RFC1: variants seen among roughly 807,000 people sequenced by gnomAD.
The protein encoded by RFC1 is A1 140 kDa subunit.
A neutral mutation model predicts 137.4 loss-of-function variants in RFC1; 37 were observed. The observed-to-expected ratio is 0.27, with a 90% confidence interval of 0.21 to 0.35. RFC1 has a LOEUF of 0.35. Among genes scored for constraint, RFC1 ranks in the 10% least tolerant of loss-of-function variants. The pLI is 1.00. For synonymous variants in RFC1, 429 were observed against 455.7 expected (o/e 0.94, Z 0.75); for missense variants, 1,205 against 1,358.5 (o/e 0.89, Z 1.78).
intron 13 of RFC1, 143 bp downstream of exon 13, chr4:39,308,493 G>A (rs1738795467): frequency 1.8e-6 from 2 of 1,127,332 alleles, no homozygotes; most frequent in African/African-American, 1.6e-5. Context: ...GCAGGGTCTA[G>A]TACTGCACCT....
At chr4:39,304,342 T>C (rs556623374) in intron 15 of RFC1, among the ~76,000 whole-genome samples, 3 of 152,338 alleles carry the variant, frequency 2.0e-5, no homozygotes, top group Non-Finnish European at 4.4e-5. Context: ...AATAGTTTTC[T>C]TTCTCATTCT....
intron 15 of RFC1, among the ~76,000 whole-genome samples, chr4:39,304,433 C>G (rs375728907): frequency 1.3e-5 from 2 of 152,198 alleles, no homozygotes; most frequent in East Asian, 3.8e-4. Context: ...GGCCTTATTA[C>G]CTCACTCTGT....
intron 1 of RFC1, among the ~76,000 whole-genome samples, chr4:39,361,468 A>T (rs528247294): frequency 6.6e-6 from 1 of 152,316 alleles, no homozygotes; most frequent in South Asian, 2.1e-4. Context: ...AAGCAGTTGG[A>T]GGGCTTTCCC....
chr4:39,337,342 C>T (rs1740403008), intron 4 of RFC1, among the ~76,000 whole-genome samples: 1 of 150,252 alleles, frequency 6.7e-6, no homozygotes. Flanking sequence ...CCATTGCACT[C>T]CAGCCTAGGC....
chr4:39,327,830 T>G (rs1739858037), intron 4 of RFC1, 74 bp from the exon 5 acceptor site: 1 of 1,155,746 alleles, frequency 8.7e-7, no homozygotes, highest in East Asian at 2.6e-5. Context: ...TTCTACCAAC[T>G]TTATAAAAAG....
At chr4:39,340,259 C>A (rs1035752788) in intron 4 of RFC1, among the ~76,000 whole-genome samples, 19 of 152,028 alleles carry the variant, frequency 1.2e-4, no homozygotes, top group African/African-American at 4.3e-4. Context: ...ATAAAGTATG[C>A]AATAATGAAG....
chr4:39,364,929 C>T (rs551205443), intron 1 of RFC1, among the ~76,000 whole-genome samples: 2 of 151,996 alleles, frequency 1.3e-5, no homozygotes, highest in African/African-American at 2.4e-5. Context: ...AATATTACCA[C>T]GTTCTTCATC....
At chr4:39,330,626 T>C (rs1446006904) in intron 4 of RFC1, among the ~76,000 whole-genome samples, 1 of 152,190 alleles carries the variant, frequency 6.6e-6, no homozygotes, top group Non-Finnish European at 1.5e-5. Flanking sequence ...CAAACCAAGG[T>C]GCAAAAGGTT....
intron 2 of RFC1, among the ~76,000 whole-genome samples, chr4:39,348,462 A>ACGGG (rs1553926645): frequency 7.3e-6 from 1 of 137,686 alleles, no homozygotes; most frequent in Non-Finnish European, 1.6e-5. Flanking sequence ...AAGAAAAGAA[A>ACGGG]AGAAAAGAAA....
Position 39,306,736 on chromosome 4 carries a change from T to C in RFC1, c.1886-35A>G, listed in dbSNP as rs753203825. On this transcript the variant is annotated intron_variant, in intron 13 of 24. Transcript: ENST00000349703. ...AAAAAGAAGTTCCAGAGTGTCAACC[T>C]ATATCACCTAACAGAAATTCAAGCA... 76 of 1,182,212 alleles carry C rather than the reference T, an allele frequency of 6.4e-5. 1 individual carries two copies. In the South Asian group the frequency reaches 8.9e-4, roughly 14 times the overall value. The allele number at this position is 1,182,212 out of a possible 1,614,324, so 73.2% of individuals were successfully genotyped here. A position where few individuals can be genotyped will look rare whatever the true frequency, so the allele number is the denominator to read the frequency against.
chr4:39,365,447 T>C (rs796983489), intron 1 of RFC1: 3 of 983,970 alleles, frequency 3.0e-6, no homozygotes, highest in African/African-American at 3.5e-5. Context: ...CACAGAGCCA[T>C]ATCCATTGCC....
At chr4:39,295,470 T>C (rs1737931577) in intron 22 of RFC1, 144 bp downstream of exon 22, 2 of 608,920 alleles carry the variant, frequency 3.3e-6, no homozygotes. Context: ...CCATAAAATA[T>C]AAGGAACTTA....
chr4:39,346,632 G>GA (rs1740875290), intron 2 of RFC1, among the ~76,000 whole-genome samples: 2 of 152,144 alleles, frequency 1.3e-5, no homozygotes, highest in Admixed American at 6.5e-5. Flanking sequence ...GGTAGAAATA[G>GA]AAACTATTTC....
At chr4:39,365,465 C>CA in intron 1 of RFC1, 1 of 985,312 alleles carries the variant, frequency 1.0e-6, no homozygotes, top group Non-Finnish European at 1.2e-6. Flanking sequence ...GCCATACCAT[C>CA]AGGAATGTCT....
Position 39,288,726 on chromosome 4 carries a change from G to T in RFC1, c.*35C>A. 1 of 1,333,476 alleles carries T rather than the reference G, an allele frequency of 7.5e-7. No homozygotes were observed. Among genetic ancestry groups the T allele is most frequent in the South Asian group, 1.2e-5 (1 of 84,474 alleles). 82.6% of individuals were successfully genotyped at this position (1,333,476 alleles called of 1,614,324 possible). ...GACCAGCTGGACTGGTCAGGAGGGA[G>T]AGTAAAAAGTGGCTGTCGCTAGTGA... is the stretch of plus-strand genomic sequence containing the variant. On this transcript the variant is annotated 3_prime_UTR_variant, in exon 25 of 25. Coordinates refer to ENST00000349703, the MANE Select transcript of RFC1 (RefSeq NM_002913.5).
chr4:39,326,727 C>T, intron 5 of RFC1, 87 bp from the exon 6 acceptor site: 1 of 969,800 alleles, frequency 1.0e-6, no homozygotes, highest in East Asian at 2.6e-5. Flanking sequence ...TGATTAAATA[C>T]ACCAGTGAGA....
intron 11 of RFC1, among the ~76,000 whole-genome samples, chr4:39,312,041 G>C (rs1425188910): frequency 6.6e-6 from 1 of 152,198 alleles, no homozygotes; most frequent in Non-Finnish European, 1.5e-5. Flanking sequence ...CCAGGTGACA[G>C]CTCTGGCCAA....
Position 39,323,323 on chromosome 4 carries a change from G to A in RFC1, c.720+17C>T. 1 of 1,612,072 alleles carries A rather than the reference G, an allele frequency of 6.2e-7. No individual in the cohort carries two copies. The highest frequency in any genetic ancestry group is 8.5e-7 in the Non-Finnish European group (1 of 1,178,258). On this transcript the variant is annotated intron_variant, in intron 7 of 24. Transcript: ENST00000349703. ...GTACTGTATATTCAGAACGCAAATA[G>A]CCCAACATTATGCCACCTTTTTGGT...
In RFC1 at chr4:39,366,343, A is replaced by G; in HGVS notation, c.-102T>C. 3.0e-6 allele frequency: 4 copies of G among 1,325,758 alleles called. No individual in the cohort carries two copies. The highest frequency in any genetic ancestry group is 3.0e-6 in the Non-Finnish European group (3 of 1,008,966). 82.1% of individuals were successfully genotyped at this position (1,325,758 alleles called of 1,614,324 possible). ...ATTCGCGCCAACAACTTCTCCCGCG[A>G]AGTGCAAGAAGGCGAAGACAGTGGC... On this transcript the variant is annotated 5_prime_UTR_variant, in exon 1 of 25. Transcript: ENST00000349703.
Sources: gnomAD v4.1 joint callset for allele counts (sites outside exome capture counted in the v4.1 genomes callset) on GRCh38, gnomAD v4.1.1 for gene constraint, MANE v1.5 for transcripts, NCBI Gene and HGNC (gene_info 2026-07-23, HGNC 2026-07-21) for gene names.